ADAMTS16: variants seen among roughly 807,000 people sequenced by gnomAD.
ADAMTS16 encodes A disintegrin and metalloproteinase with thrombospondin motifs 16.
In ADAMTS16, 94 loss-of-function variants were observed where a neutral mutation model predicts 145.8. The observed-to-expected ratio is 0.64, with a 90% CI of 0.55 to 0.77. The LOEUF (loss-of-function observed/expected upper bound fraction) is 0.77. Among genes scored for constraint, ADAMTS16 ranks in the 30% least tolerant of loss-of-function variants. The pLI, the probability that ADAMTS16 is intolerant of heterozygous loss-of-function variation, is 0.00. For missense variants in ADAMTS16, 1,585 were observed against 1,591.5 expected (o/e 1.00, Z 0.07); for synonymous variants, 659 against 604.3 (o/e 1.09, Z -1.33).
At chr5:5,181,957 A>G in intron 3 of ADAMTS16, 87 bp from the exon 4 acceptor site, 1 of 1,423,194 alleles carries the variant, frequency 7.0e-7, no homozygotes, top group Non-Finnish European at 9.5e-7. Context: ...CAAGAGAATA[A>G]TAACAAATGC....
chr5:5,182,360 T>C, intron 4 of ADAMTS16, 55 bp downstream of exon 4: 3 of 1,560,016 alleles, frequency 1.9e-6, no homozygotes, highest in Non-Finnish European at 2.6e-6. Context: ...TTATGTAAGC[T>C]GATGGAAGCT....
At chr5:5,279,340 T>C (rs1307992643) in intron 18 of ADAMTS16, among the ~76,000 whole-genome samples, 1 of 152,242 alleles carries the variant, frequency 6.6e-6, no homozygotes, top group Non-Finnish European at 1.5e-5. Context: ...CGTAATGTCC[T>C]TGACTCCCAT....
At chr5:5,242,573 G>T (rs1317074343) in intron 17 of ADAMTS16, among the ~76,000 whole-genome samples, 2 of 152,276 alleles carry the variant, frequency 1.3e-5, no homozygotes, top group East Asian at 3.9e-4. Flanking sequence ...CCTAGAGTGG[G>T]TTTTTTAATC....
chr5:5,177,998 T>C (rs898403126), intron 3 of ADAMTS16, among the ~76,000 whole-genome samples: 43 of 152,236 alleles, frequency 2.8e-4, no homozygotes, highest in Non-Finnish European at 1.3e-4. Context: ...TTTTTTGATT[T>C]ATGAAACTTT....
intron 21 of ADAMTS16, among the ~76,000 whole-genome samples, chr5:5,307,196 G>A (rs552766715): frequency 8.1e-4 from 123 of 152,094 alleles, no homozygotes; most frequent in African/African-American, 2.6e-3. Context: ...GTTTCTCCTC[G>A]TCTGTGCCCG....
intron 18 of ADAMTS16, among the ~76,000 whole-genome samples, chr5:5,285,758 A>G (rs963539668): frequency 1.3e-5 from 2 of 152,200 alleles, no homozygotes; most frequent in African/African-American, 2.4e-5. Flanking sequence ...AGATTTTTCA[A>G]TGTCTGTTCA....
At chr5:5,209,366 G>A (rs886775291) in intron 10 of ADAMTS16, 120 bp downstream of exon 10, 1 of 1,204,564 alleles carries the variant, frequency 8.3e-7, no homozygotes, top group Non-Finnish European at 1.2e-6. Flanking sequence ...AATCCTGTAT[G>A]TTAAGGCTGG....
intron 11 of ADAMTS16, among the ~76,000 whole-genome samples, chr5:5,230,785 C>T (rs1205488005): frequency 1.3e-5 from 2 of 152,188 alleles, no homozygotes; most frequent in Non-Finnish European, 2.9e-5. Flanking sequence ...CTCACAGATT[C>T]CTGGTAAAAA....
chr5:5,253,892 C>T (rs1446913239), intron 17 of ADAMTS16, among the ~76,000 whole-genome samples: 1 of 152,154 alleles, frequency 6.6e-6, no homozygotes, highest in Non-Finnish European at 1.5e-5. Flanking sequence ...GATCAGGGCC[C>T]TCCTTTCTTT....
chr5:5,297,601 C>T (rs1739595686), intron 18 of ADAMTS16, among the ~76,000 whole-genome samples: 1 of 152,290 alleles, frequency 6.6e-6, no homozygotes, highest in South Asian at 2.1e-4. Context: ...TCAGTGAAAG[C>T]TCTGTAGATC....
At chr5:5,267,154 C>T (rs1010279869) in intron 18 of ADAMTS16, among the ~76,000 whole-genome samples, 10 of 152,126 alleles carry the variant, frequency 6.6e-5, no homozygotes, top group African/African-American at 9.7e-5. Context: ...CTAGGGGGAG[C>T]GGGCAGATGG....
At chr5:5,143,877 G>T (rs1487206381) in intron 2 of ADAMTS16, among the ~76,000 whole-genome samples, 2 of 152,150 alleles carry the variant, frequency 1.3e-5, no homozygotes, top group Non-Finnish European at 2.9e-5. Context: ...AACTAACACA[G>T]GAACAGAAAA....
At chr5:5,268,061 T>C (rs1452707884) in intron 18 of ADAMTS16, among the ~76,000 whole-genome samples, 1 of 152,134 alleles carries the variant, frequency 6.6e-6, no homozygotes, top group African/African-American at 2.4e-5. Context: ...TATGCCTCAG[T>C]TTGCCTGGCT....
intron 11 of ADAMTS16, among the ~76,000 whole-genome samples, chr5:5,230,625 A>G (rs1235297245): frequency 3.9e-5 from 6 of 152,332 alleles, no homozygotes; most frequent in African/African-American, 1.2e-4. Flanking sequence ...CTACTTGTGT[A>G]TATCTTTAAA....
intron 21 of ADAMTS16, among the ~76,000 whole-genome samples, chr5:5,307,286 A>T (rs1740216569): frequency 6.6e-6 from 1 of 152,116 alleles, no homozygotes; most frequent in Non-Finnish European, 1.5e-5. Context: ...GGAGTTCCGA[A>T]GGCTGACACT....
At chr5:5,203,098 A>T (rs12521996) in intron 9 of ADAMTS16, among the ~76,000 whole-genome samples, 21,460 of 152,172 alleles carry the variant, frequency 0.14, 1,576 homozygotes, top group Middle Eastern at 0.21. Context: ...AATGATAAAC[A>T]TTTATTTTCA....
Position 5,248,306 on chromosome 5 carries a change from G to A in ADAMTS16, c.2662+6115G>A, listed in dbSNP as rs958997036. Among the ~76,000 whole-genome samples the A allele has an allele frequency of 2.6e-5, 4 of 152,146 alleles. No individual in the cohort carries two copies. In the East Asian group the frequency reaches 7.7e-4, roughly 29 times the overall value. On this transcript the variant is annotated intron_variant, in intron 17 of 22. Coordinates refer to ENST00000274181, the MANE Select transcript of ADAMTS16 (RefSeq NM_139056.4). ...CTTCTAGACAGCCTGGCAAACATGA[G>A]GATTTTTAAGCGGTTTCCAAAGACC...
intron 18 of ADAMTS16, among the ~76,000 whole-genome samples, chr5:5,294,689 A>G (rs1263086109): frequency 2.0e-5 from 3 of 152,260 alleles, no homozygotes; most frequent in African/African-American, 7.2e-5. Flanking sequence ...GCCAACATGA[A>G]TGATACACAG....
intron 8 of ADAMTS16, among the ~76,000 whole-genome samples, chr5:5,193,849 C>A (rs1423867443): frequency 6.6e-6 from 1 of 152,040 alleles, no homozygotes; most frequent in Non-Finnish European, 1.5e-5. Flanking sequence ...CACTGTAAAC[C>A]CAGCACTTTG....
Sources: gnomAD v4.1 joint callset for allele counts (sites outside exome capture counted in the v4.1 genomes callset) on GRCh38, gnomAD v4.1.1 for gene constraint, MANE v1.5 for transcripts, NCBI Gene and HGNC (gene_info 2026-07-23, HGNC 2026-07-21) for gene names.